PRKCB: variants seen among roughly 807,000 people sequenced by gnomAD.
PRKCB encodes the protein protein kinase C beta.
Under a neutral mutation model 81.5 loss-of-function variants are expected in PRKCB, and 13 were observed. The observed-to-expected ratio is 0.16, with a 90% CI of 0.10 to 0.25. PRKCB has a LOEUF of 0.25. Ranked by LOEUF, PRKCB falls within the 10% of genes least tolerant of loss-of-function variation. PRKCB has a pLI of 1.00. For synonymous variants in PRKCB, 335 were observed against 321.4 expected, an observed-to-expected ratio of 1.04 and a Z score of -0.45; for missense variants, 509 against 875.7, an observed-to-expected ratio of 0.58 and a Z score of 5.29.
intron 15 of PRKCB, among the ~76,000 whole-genome samples, chr16:24,188,850 A>G (rs905201653): frequency 2.0e-5 from 3 of 152,190 alleles, no homozygotes; most frequent in Non-Finnish European, 2.9e-5. Flanking sequence ...ATGGGGGATA[A>G]TAGTTGCTGA....
chr16:24,010,057 G>T (rs1965181220), intron 3 of PRKCB, among the ~76,000 whole-genome samples: 1 of 152,078 alleles, frequency 6.6e-6, no homozygotes, highest in Non-Finnish European at 1.5e-5. Flanking sequence ...TGTCTGGCTG[G>T]TTTCTTTCAT....
At chr16:23,969,463 G>A (rs1016562838) in intron 2 of PRKCB, among the ~76,000 whole-genome samples, 1 of 152,102 alleles carries the variant, frequency 6.6e-6, no homozygotes, top group African/African-American at 2.4e-5. Context: ...TCTATTGAGA[G>A]CTGGTTTCCA....
chr16:23,922,741 A>C (rs552098723), intron 2 of PRKCB, among the ~76,000 whole-genome samples: 1 of 152,326 alleles, frequency 6.6e-6, no homozygotes, highest in East Asian at 1.9e-4. Flanking sequence ...CCAGGGCCTT[A>C]GCCACAGTAG....
At chr16:24,122,487 T>G (rs1966811472) in intron 8 of PRKCB, among the ~76,000 whole-genome samples, 1 of 130,944 alleles carries the variant, frequency 7.6e-6, no homozygotes. Context: ...AGAGATGGGA[T>G]CTCACTCTGT....
chr16:24,081,264 T>TA (rs576041051), intron 5 of PRKCB, among the ~76,000 whole-genome samples: 2,959 of 142,142 alleles, frequency 0.021, 69 homozygotes, highest in African/African-American at 0.064. Flanking sequence ...GGCTTAATAA[T>TA]AAAAAAAAAA....
chr16:23,915,995 T>C (rs1036165184), intron 2 of PRKCB, among the ~76,000 whole-genome samples: 21 of 152,090 alleles, frequency 1.4e-4, no homozygotes, highest in African/African-American at 4.6e-4. Flanking sequence ...TCACAATTAA[T>C]ATATGATGAA....
chr16:23,883,203 T>C lies in PRKCB; in HGVS notation c.205+45797T>C, dbSNP rs972947854. ...CCACTGGCGATAAATGTCATGATAC[T>C]GAATCAGGATTTGACAACAGAGTGA... On this transcript the variant is annotated intron_variant, in intron 2 of 16. Transcript: ENST00000643927. Among the ~76,000 whole-genome samples, 6 of 152,146 alleles carry C rather than the reference T, an allele frequency of 3.9e-5. No homozygotes were observed. The East Asian group carries it at 1.2e-3, about 29-fold the overall frequency.
At chr16:23,907,558 G>A (rs1356665171) in intron 2 of PRKCB, among the ~76,000 whole-genome samples, 1 of 152,088 alleles carries the variant, frequency 6.6e-6, no homozygotes, top group African/African-American at 2.4e-5. Context: ...GAGCCACTGT[G>A]CCCAGCCTGA....
intron 3 of PRKCB, among the ~76,000 whole-genome samples, chr16:23,996,550 G>A (rs745598765): frequency 6.6e-6 from 1 of 152,210 alleles, no homozygotes; most frequent in African/African-American, 2.4e-5. Flanking sequence ...GGAAGAGGCA[G>A]CATTTTATCC....
rs1044216621 is a variant in PRKCB at position 24,153,677 on chromosome 16, C to A, written c.1066-1007C>A. ...GGAGAGTGGGAGAGGGGGTGACACGCAGAAAATACCGATGTGTCTGTGAGC... is the reference window on the plus strand; with the variant it reads ...GGAGAGTGGGAGAGGGGGTGACACGAAGAAAATACCGATGTGTCTGTGAGC... On this transcript the variant is annotated intron_variant, in intron 9 of 16. Coordinates refer to ENST00000643927, the MANE Select transcript of PRKCB (RefSeq NM_002738.7). Among the ~76,000 whole-genome samples the A allele has an allele frequency of 3.3e-5, 5 of 152,128 alleles. No homozygotes were observed. In the East Asian group the frequency reaches 9.6e-4, roughly 29 times the overall value.
intron 12 of PRKCB, among the ~76,000 whole-genome samples, chr16:24,175,638 G>A (rs1967517412): frequency 6.6e-6 from 1 of 151,792 alleles, no homozygotes; most frequent in Non-Finnish European, 1.5e-5. Flanking sequence ...TGACTTGAGA[G>A]TCCTGGGCCT....
chr16:24,114,159 A>AGCCAAGAT (rs1300917688), intron 8 of PRKCB, among the ~76,000 whole-genome samples: 10 of 149,278 alleles, frequency 6.7e-5, no homozygotes, highest in Admixed American at 5.3e-4. Context: ...GGCTGCAGTG[A>AGCCAAGAT]GCCAAGATTG....
At chr16:24,059,228 A>C (rs372100545) in intron 5 of PRKCB, among the ~76,000 whole-genome samples, 1 of 152,206 alleles carries the variant, frequency 6.6e-6, no homozygotes, top group Non-Finnish European at 1.5e-5. Context: ...ACCGGCCCTA[A>C]CAGTGGAAGC....
chr16:24,027,279 G>T (rs898992415), intron 3 of PRKCB, among the ~76,000 whole-genome samples: 1 of 152,162 alleles, frequency 6.6e-6, no homozygotes, highest in African/African-American at 2.4e-5. Flanking sequence ...TTTTAGGTGG[G>T]TTTGAAGCAC....
At chr16:24,027,449 T>G (rs1379652724) in intron 3 of PRKCB, among the ~76,000 whole-genome samples, 1 of 152,084 alleles carries the variant, frequency 6.6e-6, no homozygotes, top group African/African-American at 2.4e-5. Flanking sequence ...ATCCCTTAGT[T>G]TTTTGGGGGG....
At chr16:24,177,706 T>G (rs1224456329) in intron 12 of PRKCB, among the ~76,000 whole-genome samples, 1 of 152,176 alleles carries the variant, frequency 6.6e-6, no homozygotes, top group Non-Finnish European at 1.5e-5. Context: ...GAGTCCAGCA[T>G]TAGGGCTTCG....
chr16:23,950,972 G>C (rs3785387), intron 2 of PRKCB, among the ~76,000 whole-genome samples: 1 of 151,966 alleles, frequency 6.6e-6, no homozygotes, highest in Non-Finnish European at 1.5e-5. Flanking sequence ...CCCTCTTCCC[G>C]CCTTGTCCCT....
chr16:24,104,096 C>T (rs562358158), intron 7 of PRKCB, among the ~76,000 whole-genome samples: 15 of 152,230 alleles, frequency 9.9e-5, no homozygotes, highest in Admixed American at 4.6e-4. Context: ...TGAGACACCA[C>T]GCCCAGCTAA....
At chr16:24,167,025 C>T (rs1967357969) in intron 10 of PRKCB, among the ~76,000 whole-genome samples, 1 of 151,996 alleles carries the variant, frequency 6.6e-6, no homozygotes, top group Non-Finnish European at 1.5e-5. Flanking sequence ...CTCTCACTTA[C>T]TTCTCTCTCT....
Sources: gnomAD v4.1 joint callset for allele counts (sites outside exome capture counted in the v4.1 genomes callset) on GRCh38, gnomAD v4.1.1 for gene constraint, MANE v1.5 for transcripts, NCBI Gene and HGNC (gene_info 2026-07-23, HGNC 2026-07-21) for gene names.